ESF1: variants seen among roughly 807,000 people sequenced by gnomAD.
ESF1 encodes the protein ESF1 homolog.
A neutral mutation model predicts 92.0 loss-of-function variants in ESF1; 58 were observed. That is an observed-to-expected ratio of 0.63 (90% CI 0.51 to 0.78). The LOEUF is 0.78. Ranked by LOEUF, ESF1 falls within the 30% of genes least tolerant of loss-of-function variation. The pLI is 0.00. For synonymous variants in ESF1, 321 were observed against 313.7 expected (o/e 1.02, Z -0.24); for missense variants, 922 against 989.1 (o/e 0.93, Z 0.91).
chr20:13,740,868 G>T (rs923000091), intron 9 of ESF1, among the ~76,000 whole-genome samples: 1 of 152,114 alleles, frequency 6.6e-6, no homozygotes, highest in African/African-American at 2.4e-5. Context: ...ACTTGCACAG[G>T]AGTCAAGAGG....
Position 13,714,513 on chromosome 20 carries a change from C to A in ESF1, c.*361G>T. The A allele has an allele frequency of 6.4e-6, 1 of 155,096 alleles. No homozygotes were observed. Among genetic ancestry groups the A allele is most frequent in the Non-Finnish European group, 1.4e-5 (1 of 70,108 alleles). 9.6% of individuals were successfully genotyped at this position (155,096 alleles called of 1,614,324 possible). The stretch of plus-strand genomic sequence containing the variant: ...AATATATATATTTTTCAAATTATCC[C>A]TAACATTTACACAAACTTGAGTAGA... On this transcript the variant is annotated 3_prime_UTR_variant, in exon 14 of 14. Transcript: ENST00000617257.
In ESF1 at chr20:13,770,034, GA is replaced by G. The variant is rs536001447; in HGVS notation, c.1404-14del. On this transcript the variant is annotated splice_polypyrimidine_tract_variant and intron_variant, in intron 6 of 13. Coordinates refer to ENST00000617257, the MANE Select transcript of ESF1 (RefSeq NM_001276380.2). Reference sequence around the variant, plus strand: ...ATCTGGTATAAACCTAAGAAGTAAAGAAAAAAAATTTATTTAAAATACGCTG... The same window carrying G: ...ATCTGGTATAAACCTAAGAAGTAAAGAAAAAAATTTATTTAAAATACGCTG... The G allele has an allele frequency of 6.7e-5, 101 of 1,511,904 alleles. No homozygotes were observed. The highest frequency in any genetic ancestry group is 4.2e-5 in the African/African-American group (3 of 71,434). 93.7% of individuals were successfully genotyped at this position (1,511,904 alleles called of 1,614,324 possible).
chr20:13,767,781 C>T (rs1979495272), intron 7 of ESF1, among the ~76,000 whole-genome samples: 1 of 152,170 alleles, frequency 6.6e-6, no homozygotes, highest in African/African-American at 2.4e-5. Flanking sequence ...CTGGCTCCTG[C>T]CCTGTACATA....
At chr20:13,728,008 G>A (rs1222758373) in intron 11 of ESF1, among the ~76,000 whole-genome samples, 1 of 152,152 alleles carries the variant, frequency 6.6e-6, no homozygotes, top group African/African-American at 2.4e-5. Flanking sequence ...GACCTAGAAT[G>A]GATACGCTAT....
chr20:13,767,057 G>A, intron 7 of ESF1, 133 bp from the exon 8 acceptor site: 1 of 757,376 alleles, frequency 1.3e-6, no homozygotes, highest in African/African-American at 1.7e-5. Flanking sequence ...ACAAATACAT[G>A]AATGATATGA....
intron 2 of ESF1, among the ~76,000 whole-genome samples, chr20:13,779,950 G>A (rs1980105499): frequency 6.6e-6 from 1 of 152,190 alleles, no homozygotes. Context: ...ATTTCATGAT[G>A]ACAAATATCA....
At chr20:13,721,971 AC>A (rs1293801782) in intron 11 of ESF1, among the ~76,000 whole-genome samples, 1 of 152,072 alleles carries the variant, frequency 6.6e-6, no homozygotes, top group Non-Finnish European at 1.5e-5. Context: ...TAGGGTATGA[AC>A]CCCCCATTCC....
chr20:13,774,331 T>C (rs537973244), intron 4 of ESF1, among the ~76,000 whole-genome samples: 40 of 152,270 alleles, frequency 2.6e-4, no homozygotes, highest in Non-Finnish European at 2.6e-4. Context: ...GAAACGCTCA[T>C]TGGCGCATTT....
intron 7 of ESF1, 149 bp from the exon 8 acceptor site, chr20:13,767,073 A>T: frequency 2.8e-6 from 2 of 706,674 alleles, no homozygotes; most frequent in South Asian, 4.3e-5. Context: ...TATGATTAAT[A>T]AATAGTATCC....
At chr20:13,777,747 A>G (rs1013187791) in intron 2 of ESF1, among the ~76,000 whole-genome samples, 1 of 152,232 alleles carries the variant, frequency 6.6e-6, no homozygotes, top group South Asian at 2.1e-4. Context: ...ACAGGCTTCT[A>G]TCTACTTGGT....
intron 11 of ESF1, among the ~76,000 whole-genome samples, chr20:13,727,710 G>A (rs2049910689): frequency 6.6e-6 from 1 of 152,146 alleles, no homozygotes; most frequent in African/African-American, 2.4e-5. Context: ...AGAATGAGTA[G>A]TGCATATGAG....
chr20:13,756,303 CA>C (rs1398926230), intron 9 of ESF1, among the ~76,000 whole-genome samples: 1 of 152,168 alleles, frequency 6.6e-6, no homozygotes, highest in Non-Finnish European at 1.5e-5. Context: ...TCACAGATAA[CA>C]ATACCTCATT....
chr20:13,733,896 CT>C, intron 9 of ESF1, 54 bp from the exon 10 acceptor site: 10 of 1,532,542 alleles, frequency 6.5e-6, no homozygotes, highest in Non-Finnish European at 8.7e-6. Context: ...CTGGCAATCA[CT>C]TAAACATATA....
chr20:13,739,672 G>C (rs909460886), intron 9 of ESF1, among the ~76,000 whole-genome samples: 1 of 147,958 alleles, frequency 6.8e-6, no homozygotes, highest in African/African-American at 2.5e-5. Context: ...ACTTTTAGAT[G>C]TAAGAAAACA....
chr20:13,742,265 G>GT (rs1331877254), intron 9 of ESF1, among the ~76,000 whole-genome samples: 1 of 152,176 alleles, frequency 6.6e-6, no homozygotes, highest in African/African-American at 2.4e-5. Context: ...CTACTTGGGA[G>GT]TTTGAGACCA....
chr20:13,773,112 G>T (rs1463868837), intron 4 of ESF1, among the ~76,000 whole-genome samples: 1 of 152,134 alleles, frequency 6.6e-6, no homozygotes, highest in East Asian at 1.9e-4. Context: ...TACAGATTAG[G>T]TATAGTCTCG....
intron 3 of ESF1, among the ~76,000 whole-genome samples, chr20:13,775,644 CAAGTATTAAAA>C (rs1979897399): frequency 1.3e-5 from 2 of 152,124 alleles, no homozygotes. Flanking sequence ...CTAGCTAAAA[CAAGTATTAAAA>C]ATTTCATGCA....
At chr20:13,738,755 G>A (rs1457175857) in intron 9 of ESF1, among the ~76,000 whole-genome samples, 1 of 152,158 alleles carries the variant, frequency 6.6e-6, no homozygotes, top group African/African-American at 2.4e-5. Flanking sequence ...TGAGGGCAAA[G>A]GTCATAGCCT....
chr20:13,729,167 A>C (rs911280790), intron 10 of ESF1, among the ~76,000 whole-genome samples: 1 of 152,210 alleles, frequency 6.6e-6, no homozygotes, highest in Non-Finnish European at 1.5e-5. Flanking sequence ...GCGAGGCAGG[A>C]GAATCGCTTG....
Sources: gnomAD v4.1 joint callset for allele counts (sites outside exome capture counted in the v4.1 genomes callset) on GRCh38, gnomAD v4.1.1 for gene constraint, MANE v1.5 for transcripts, NCBI Gene and HGNC (gene_info 2026-07-23, HGNC 2026-07-21) for gene names.